The following MAGI1 variants were observed in gnomAD, a reference collection of about 807,000 sequenced individuals.
MAGI1 encodes the protein membrane-associated guanylate kinase, WW and PDZ domain-containing protein 1.
A neutral mutation model predicts 139.9 loss-of-function variants in MAGI1; 58 were observed. That is an observed-to-expected ratio of 0.41 (90% confidence interval 0.34 to 0.52). The LOEUF (loss-of-function observed/expected upper bound fraction) is 0.52, where lower values mean the gene tolerates loss of function less well. MAGI1 is among the 20% of genes least tolerant of loss of function. MAGI1 has a pLI of 0.12. For synonymous variants in MAGI1, 812 were observed against 737.9 expected, an observed-to-expected ratio of 1.10 and a Z score of -1.63; for missense variants, 1,874 against 1,901.6, an observed-to-expected ratio of 0.99 and a Z score of 0.27.
intron 2 of MAGI1, among the ~76,000 whole-genome samples, chr3:65,554,688 C>A (rs1009262149): frequency 6.6e-6 from 1 of 152,190 alleles, no homozygotes; most frequent in Non-Finnish European, 1.5e-5. Context: ...ATCAAACCCA[C>A]CAAAGGTCCC....
chr3:65,702,112 ATCAGTAT>A (rs1181429924), intron 1 of MAGI1, among the ~76,000 whole-genome samples: 1 of 152,084 alleles, frequency 6.6e-6, no homozygotes, highest in Admixed American at 6.6e-5. Flanking sequence ...AAGGTTTCTG[ATCAGTAT>A]TCAGTACCTG....
chr3:65,792,854 C>T (rs2039881066), intron 1 of MAGI1, among the ~76,000 whole-genome samples: 1 of 152,004 alleles, frequency 6.6e-6, no homozygotes, highest in Admixed American at 6.6e-5. Flanking sequence ...TAACTGACAC[C>T]ACGGAAAGCA....
chr3:65,861,619 C>G (rs925608647), intron 1 of MAGI1, among the ~76,000 whole-genome samples: 1 of 152,022 alleles, frequency 6.6e-6, no homozygotes, highest in Non-Finnish European at 1.5e-5. Flanking sequence ...AGAGGGAAAT[C>G]CATCTCTGTC....
intron 2 of MAGI1, among the ~76,000 whole-genome samples, chr3:65,592,263 G>T (rs2082002895): frequency 6.6e-6 from 1 of 152,296 alleles, no homozygotes; most frequent in South Asian, 2.1e-4. Flanking sequence ...AAAGAATAAA[G>T]TAGGCATGCA....
At chr3:65,866,939 C>T (rs1293428896) in intron 1 of MAGI1, among the ~76,000 whole-genome samples, 2 of 152,156 alleles carry the variant, frequency 1.3e-5, no homozygotes, top group East Asian at 3.9e-4. Flanking sequence ...TGCTGGCTGT[C>T]CCGGACAGGA....
intron 6 of MAGI1, among the ~76,000 whole-genome samples, chr3:65,448,859 T>C (rs1040946228): frequency 6.6e-6 from 1 of 152,060 alleles, no homozygotes; most frequent in Admixed American, 6.5e-5. Context: ...TTTCTTATTG[T>C]TGAGAAGAAA....
chr3:65,468,078 T>TTA (rs1249326468), intron 5 of MAGI1, among the ~76,000 whole-genome samples: 3 of 152,160 alleles, frequency 2.0e-5, no homozygotes, highest in Non-Finnish European at 4.4e-5. Flanking sequence ...AGTCCTCTTT[T>TTA]TATATATATG....
At chr3:65,752,388 G>A (rs1295099772) in intron 1 of MAGI1, among the ~76,000 whole-genome samples, 2 of 152,052 alleles carry the variant, frequency 1.3e-5, no homozygotes, top group Non-Finnish European at 2.9e-5. Context: ...TTTGGTGTGA[G>A]GAATAAATAA....
intron 1 of MAGI1, among the ~76,000 whole-genome samples, chr3:65,975,814 C>G (rs1042240613): frequency 6.6e-6 from 1 of 152,072 alleles, no homozygotes; most frequent in African/African-American, 2.4e-5. Context: ...CTTCTCTGAC[C>G]GTATCAAGCC....
chr3:65,492,334 G>A (rs974582859), intron 3 of MAGI1, among the ~76,000 whole-genome samples: 1 of 152,212 alleles, frequency 6.6e-6, no homozygotes, highest in Non-Finnish European at 1.5e-5. Context: ...AATGGGATCT[G>A]ATCCTATGGA....
chr3:65,808,162 T>C (rs1022722517), intron 1 of MAGI1, among the ~76,000 whole-genome samples: 1 of 152,086 alleles, frequency 6.6e-6, no homozygotes, highest in Admixed American at 6.6e-5. Flanking sequence ...ATTTTGTATT[T>C]TTAGTAGAGA....
intron 1 of MAGI1, among the ~76,000 whole-genome samples, chr3:65,757,761 TG>T (rs1160865351): frequency 6.6e-6 from 1 of 152,262 alleles, no homozygotes. Flanking sequence ...GTCAGCCACA[TG>T]ATTTAAAGAA....
At chr3:65,402,714 C>T (rs1362960456) in intron 12 of MAGI1, among the ~76,000 whole-genome samples, 1 of 151,976 alleles carries the variant, frequency 6.6e-6, no homozygotes, top group African/African-American at 2.4e-5. Flanking sequence ...TAATATGAGG[C>T]GAGGCAAGGC....
At chr3:65,684,562 A>G (rs1004369014) in intron 1 of MAGI1, among the ~76,000 whole-genome samples, 1 of 152,202 alleles carries the variant, frequency 6.6e-6, no homozygotes, top group Admixed American at 6.5e-5. Flanking sequence ...TGGTGGTATT[A>G]GCACTGTTCA....
intron 2 of MAGI1, among the ~76,000 whole-genome samples, chr3:65,568,367 G>A (rs1024498654): frequency 6.6e-6 from 1 of 151,984 alleles, no homozygotes; most frequent in South Asian, 2.1e-4. Context: ...TATCCATGCA[G>A]GCAATATAGG....
At chr3:65,805,242 G>GA (rs1204451967) in intron 1 of MAGI1, among the ~76,000 whole-genome samples, 3 of 151,772 alleles carry the variant, frequency 2.0e-5, no homozygotes, top group East Asian at 1.9e-4. Flanking sequence ...AAATTTACAA[G>GA]AAAAAACAAA....
At chr3:65,694,168 T>A (rs564248307) in intron 1 of MAGI1, among the ~76,000 whole-genome samples, 1 of 152,164 alleles carries the variant, frequency 6.6e-6, no homozygotes, top group Non-Finnish European at 1.5e-5. Context: ...ACAAGAGGCA[T>A]TGAGAATCAG....
chr3:65,864,002 T>G (rs1172424359), intron 1 of MAGI1, among the ~76,000 whole-genome samples: 1 of 152,120 alleles, frequency 6.6e-6, no homozygotes. Context: ...CTCTAACTAC[T>G]ACTAAATAAA....
At chr3:65,384,780 G>GGT (rs3072935) in intron 14 of MAGI1, among the ~76,000 whole-genome samples, 94,232 of 147,772 alleles carry the variant, frequency 0.64, 30,957 homozygotes, top group Non-Finnish European at 0.71. Context: ...TATAGGAAGG[G>GGT]GTGTGTGTGT....
Sources: allele counts gnomAD v4.1 joint callset (sites outside exome capture counted in the v4.1 genomes callset), GRCh38; gene constraint gnomAD v4.1.1; transcripts MANE v1.5; gene names NCBI Gene and HGNC (gene_info 2026-07-23, HGNC 2026-07-21).